Variants in FSBP observed in about 807,000 individuals in gnomAD.
FSBP encodes the protein fibrinogen silencer binding protein, also known as fibrinogen silencer-binding protein.
FSBP carries 18 observed loss-of-function variants against 24.6 expected under a neutral mutation model. That is an observed-to-expected ratio of 0.73 (90% CI 0.51 to 1.08). The LOEUF (loss-of-function observed/expected upper bound fraction) is 1.08. FSBP is among the 50% of genes least tolerant of loss of function. FSBP has a pLI of 0.00. For synonymous variants in FSBP, 110 were observed against 125.8 expected (o/e 0.87, Z 0.84); for missense variants, 305 against 347.6 (o/e 0.88, Z 0.98).
Position 94,432,328 on chromosome 8 carries a change from T to C in FSBP, c.703A>G (p.Ile235Val). ...FRSLLGYDPQ[I>V]LQMLKEEHQI... ...TGCTCCTCTTTCAACATTTGCAGGATCTGAGGATCATACCCTAATAGTGAC... is the reference window on the plus strand; with the variant it reads ...TGCTCCTCTTTCAACATTTGCAGGACCTGAGGATCATACCCTAATAGTGAC... The change falls in exon 2 of 2, where the codon ATC (isoleucine) becomes GTC (valine). Residue 235 changes from isoleucine (I) to valine (V), a missense_variant. Coordinates refer to ENST00000481490, the MANE Select transcript of FSBP (RefSeq NM_001256141.2). 1 of 1,550,318 alleles carries C rather than the reference T, an allele frequency of 6.5e-7. No individual in the cohort carries two copies. The highest frequency in any genetic ancestry group is 8.7e-7 in the Non-Finnish European group (1 of 1,146,836).
Position 94,431,415 on chromosome 8 carries a change from T to G in FSBP, c.*716A>C. The G allele has an allele frequency of 3.1e-6, 3 of 983,372 alleles. No individual in the cohort carries two copies. The highest frequency in any genetic ancestry group is 2.4e-6 in the Non-Finnish European group (2 of 828,078). The allele number at this position is 983,372 out of a possible 1,614,324, so 60.9% of individuals were successfully genotyped here. A position where few individuals can be genotyped will look rare whatever the true frequency, so the allele number is the denominator to read the frequency against. On this transcript the variant is annotated 3_prime_UTR_variant, in exon 2 of 2. Transcript: ENST00000481490. ...TCCTGATTTCACAACCTAACAATCT[T>G]TAAAGGCAATTTTAATGAAAGAAAT...
In FSBP at chr8:94,430,480, C is replaced by T. The variant is rs758715140; in HGVS notation, c.*1651G>A. The T allele has an allele frequency of 1.2e-5, 12 of 972,520 alleles. No individual in the cohort carries two copies. The highest frequency in any genetic ancestry group is 1.8e-5 in the African/African-American group (1 of 57,014). 60.2% of individuals were successfully genotyped at this position (972,520 alleles called of 1,614,324 possible). On this transcript the variant is annotated 3_prime_UTR_variant, in exon 2 of 2. Coordinates refer to ENST00000481490, the MANE Select transcript of FSBP (RefSeq NM_001256141.2). Reference sequence around the variant, plus strand: ...ATACTCTGTTTCACTGGTTCTCAAACTTTAGCATGCATCAGAATCGCTAAA... The same window carrying T: ...ATACTCTGTTTCACTGGTTCTCAAATTTTAGCATGCATCAGAATCGCTAAA...
chr8:94,429,023 G>A lies in FSBP; in HGVS notation c.*3108C>T. 6 of 983,508 alleles carry A rather than the reference G, an allele frequency of 6.1e-6. No individual in the cohort carries two copies. The highest frequency in any genetic ancestry group is 7.2e-6 in the Non-Finnish European group (6 of 828,260). The allele number at this position is 983,508 out of a possible 1,614,324, so 60.9% of individuals were successfully genotyped here. A position where few individuals can be genotyped will look rare whatever the true frequency, so the allele number is the denominator to read the frequency against. The stretch of plus-strand genomic sequence containing the variant: ...TTATACAAGGGGAGGTAGACAATGA[G>A]GAGAATTATATGCATTTAAACTTTT... On this transcript the variant is annotated 3_prime_UTR_variant, in exon 2 of 2. Transcript: ENST00000481490.
intron 1 of FSBP, among the ~76,000 whole-genome samples, chr8:94,433,690 C>T (rs1812180409): frequency 6.6e-6 from 1 of 151,546 alleles, no homozygotes; most frequent in South Asian, 2.1e-4. Context: ...AGAATATCTG[C>T]TCCTTGAGGT....
Position 94,430,546 on chromosome 8 carries a change from A to T in FSBP, c.*1585T>A. Reference sequence around the variant, plus strand: ...GATTGCTGACACCCCCAGGGTTTCTAATTCACTTGGAAATGGATTTACATT... The same window carrying T: ...GATTGCTGACACCCCCAGGGTTTCTTATTCACTTGGAAATGGATTTACATT... On this transcript the variant is annotated 3_prime_UTR_variant, in exon 2 of 2. Coordinates refer to ENST00000481490, the MANE Select transcript of FSBP (RefSeq NM_001256141.2). The T allele has an allele frequency of 1.3e-6, 1 of 753,494 alleles. No homozygotes were observed. The highest frequency in any genetic ancestry group is 1.6e-6 in the Non-Finnish European group (1 of 618,908). 46.7% of individuals were successfully genotyped at this position (753,494 alleles called of 1,614,324 possible). A position where few individuals can be genotyped will look rare whatever the true frequency, so the allele number is the denominator to read the frequency against.
In FSBP at chr8:94,432,354, C is replaced by T. The variant is rs3136422; in HGVS notation, c.677G>A (p.Arg226Lys). 245 of 1,550,314 alleles carry T rather than the reference C, an allele frequency of 1.6e-4. No homozygotes were observed. In the African/African-American group the frequency reaches 3.1e-3, roughly 20 times the overall value. Reference protein sequence around the residue: ...FFRHESGEHFRSLLGYDPQIL... With the variant: ...FFRHESGEHFKSLLGYDPQIL... ...CTGAGGATCATACCCTAATAGTGACCTAAAGTGTTCACCACTCTCATGCCG... is the reference window on the plus strand; with the variant it reads ...CTGAGGATCATACCCTAATAGTGACTTAAAGTGTTCACCACTCTCATGCCG... Residue 226 changes from arginine to lysine, a missense_variant, in exon 2 of 2, where the codon AGG becomes AAG. By Grantham distance (26) the Arg-to-Lys change is conservative. Transcript: ENST00000481490.
Position 94,428,417 on chromosome 8 carries a change from A to G in FSBP, c.*3714T>C. The G allele has an allele frequency of 1.4e-5, 9 of 633,314 alleles. No homozygotes were observed. Among genetic ancestry groups the G allele is most frequent in the Non-Finnish European group, 1.8e-5 (9 of 508,498 alleles). The allele number at this position is 633,314 out of a possible 1,614,324, so 39.2% of individuals were successfully genotyped here. A position where few individuals can be genotyped will look rare whatever the true frequency, so the allele number is the denominator to read the frequency against. On this transcript the variant is annotated 3_prime_UTR_variant, in exon 2 of 2. Transcript: ENST00000481490. ...GACACCCCCTACCCCATCAAGATCC[A>G]CAGATACTCAAGTCCCTTATATAAA...
At chr8:94,435,851 C>A (rs182848200) in intron 1 of FSBP, among the ~76,000 whole-genome samples, 65 of 152,014 alleles carry the variant, frequency 4.3e-4, no homozygotes, top group South Asian at 8.3e-4. Flanking sequence ...ACAACAACAA[C>A]AAAAAACTTT....
chr8:94,427,756 A>G lies in FSBP; in HGVS notation c.*4375T>C. On this transcript the variant is annotated 3_prime_UTR_variant, in exon 2 of 2. Coordinates refer to ENST00000481490, the MANE Select transcript of FSBP (RefSeq NM_001256141.2). ...TGTATTTAAAAGAACATGTGTTAACAAAGCATTTAACCATCATTATCTACA... is the reference window on the plus strand; with the variant it reads ...TGTATTTAAAAGAACATGTGTTAACGAAGCATTTAACCATCATTATCTACA... The G allele has an allele frequency of 1.0e-6, 1 of 974,058 alleles. No homozygotes were observed. The highest frequency in any genetic ancestry group is 1.2e-6 in the Non-Finnish European group (1 of 819,632). 60.3% of individuals were successfully genotyped at this position (974,058 alleles called of 1,614,324 possible).
rs1470510551 is a variant in FSBP at position 94,436,706 on chromosome 8, C to T, written c.163G>A (p.Ala55Thr). Residue 55 changes from alanine to threonine, a missense_variant, in exon 1 of 2, where the codon GCA (alanine) becomes ACA (threonine). By Grantham distance (58) the Ala-to-Thr change is moderately conservative. Transcript: ENST00000481490. ...CWDIIAVNYN[A>T]IGVDRPPRTA... is the part of the protein sequence containing the mutation. ...CGAGGAGGGCGGTCTACTCCAATTG[C>T]ATTATAGTTAACTGCTATGATATCC... 1 of 1,550,574 alleles carries T rather than the reference C, an allele frequency of 6.4e-7. No homozygotes were observed. The highest frequency in any genetic ancestry group is 2.4e-5 in the East Asian group (1 of 40,928).
At chr8:94,436,434 G>A (rs1192889794) in intron 1 of FSBP, 61 bp downstream of exon 1, 2 of 1,464,906 alleles carry the variant, frequency 1.4e-6, no homozygotes, top group Non-Finnish European at 1.8e-6. Flanking sequence ...TCACGACTAA[G>A]CCAAAGCCCA....
Position 94,436,877 on chromosome 8 carries a change from T to A in FSBP, c.-9A>T, listed in dbSNP as rs965169010. On this transcript the variant is annotated 5_prime_UTR_variant, in exon 1 of 2. It removes the in-frame stop codon of an upstream open reading frame in the 5' UTR. Transcript: ENST00000481490. ...CTAGCCTTTCCTACCATTGTTCTTTTCAAATTAAGTAGGCAGTTTCTGAAA... is the reference window on the plus strand; with the variant it reads ...CTAGCCTTTCCTACCATTGTTCTTTACAAATTAAGTAGGCAGTTTCTGAAA... The A allele has an allele frequency of 2.0e-6, 3 of 1,500,804 alleles. No homozygotes were observed. The highest frequency in any genetic ancestry group is 1.9e-4 in the Middle Eastern group (1 of 5,384). 93.0% of individuals were successfully genotyped at this position (1,500,804 alleles called of 1,614,324 possible). A position where few individuals can be genotyped will look rare whatever the true frequency, so the allele number is the denominator to read the frequency against.
At chr8:94,435,067 A>C (rs1238686949) in intron 1 of FSBP, among the ~76,000 whole-genome samples, 1 of 151,998 alleles carries the variant, frequency 6.6e-6, no homozygotes, top group Non-Finnish European at 1.5e-5. Context: ...CCTACTAACC[A>C]AAGGGTACAG....
At chr8:94,436,152 GA>G (rs943875639) in intron 1 of FSBP, among the ~76,000 whole-genome samples, 1 of 151,690 alleles carries the variant, frequency 6.6e-6, no homozygotes, top group African/African-American at 2.4e-5. Context: ...TCTTAAATGA[GA>G]AAAAAAGTAT....
intron 1 of FSBP, among the ~76,000 whole-genome samples, 198 bp downstream of exon 1, chr8:94,436,297 C>T (rs1346776016): frequency 6.6e-6 from 1 of 152,114 alleles, no homozygotes; most frequent in Non-Finnish European, 1.5e-5. Context: ...GAGGGGAAGA[C>T]AGTAAAAAGT....
rs1812120577 is a variant in FSBP, at chr8:94,432,308, C to T, written c.723G>A (p.Glu241=). 6.5e-7 allele frequency: 1 copy of T among 1,550,148 alleles called. No homozygotes were observed. Among genetic ancestry groups the T allele is most frequent in the Admixed American group, 2.0e-5 (1 of 50,956 alleles). ...GATTTTCTAAAATTATCTGATGCTC[C>T]TCTTTCAACATTTGCAGGATCTGAG... ...YDPQILQMLK[E]EHQIILENQK... The change falls in exon 2 of 2, where the codon GAG becomes GAA. Residue 241 remains glutamate (E), a synonymous_variant. Transcript: ENST00000481490.
At position 94,430,938 on chromosome 8, in the gene FSBP, C is replaced by T. The variant is rs1453357406; in HGVS notation, c.*1193G>A. On this transcript the variant is annotated 3_prime_UTR_variant, in exon 2 of 2. Coordinates refer to ENST00000481490, the MANE Select transcript of FSBP (RefSeq NM_001256141.2). ...TTAGCACTGCATTTGTGCTTATATACTCAATCCACTTTTTCCCATTCTTTT... is the reference window on the plus strand; with the variant it reads ...TTAGCACTGCATTTGTGCTTATATATTCAATCCACTTTTTCCCATTCTTTT... The T allele has an allele frequency of 8.1e-6, 8 of 985,172 alleles. No individual in the cohort carries two copies. The highest frequency in any genetic ancestry group is 9.6e-6 in the Non-Finnish European group (8 of 829,906). 61.0% of individuals were successfully genotyped at this position (985,172 alleles called of 1,614,324 possible).
chr8:94,436,504 T>C lies in FSBP; in HGVS notation c.365A>G (p.His122Arg), dbSNP rs942047123. The change falls in exon 1 of 2, where the codon CAC becomes CGC. Residue 122 changes from histidine to arginine, a missense_variant. By Grantham distance (29) the His-to-Arg change is conservative (BLOSUM62 0). Coordinates refer to ENST00000481490, the MANE Select transcript of FSBP (RefSeq NM_001256141.2). ...ACAAAATAAAGCTTACCTTTGTATGTGGTTCCTGTCTCTTACCAGGCAAAA... is the reference window on the plus strand; with the variant it reads ...ACAAAATAAAGCTTACCTTTGTATGCGGTTCCTGTCTCTTACCAGGCAAAA... Reference protein sequence around the residue: ...SSFCLVRDRNHIQSANLDEEA... With the variant: ...SSFCLVRDRNRIQSANLDEEA... The C allele has an allele frequency of 1.4e-5, 21 of 1,545,244 alleles. No homozygotes were observed. Among genetic ancestry groups the C allele is most frequent in the Middle Eastern group, 1.7e-4 (1 of 5,974 alleles).
rs1163493894 is a variant in FSBP, at chr8:94,430,188, G to A, written c.*1943C>T. On this transcript the variant is annotated 3_prime_UTR_variant, in exon 2 of 2. Coordinates refer to ENST00000481490, the MANE Select transcript of FSBP (RefSeq NM_001256141.2). Reference sequence around the variant, plus strand: ...ATTAGCCAGGCATGGTGGTGCGCCTGTAGTCCCAGCTACTTGGGAAGCTGA... The same window carrying A: ...ATTAGCCAGGCATGGTGGTGCGCCTATAGTCCCAGCTACTTGGGAAGCTGA... The A allele has an allele frequency of 1.2e-5, 7 of 606,278 alleles. No homozygotes were observed. Among genetic ancestry groups the A allele is most frequent in the Middle Eastern group, 8.4e-4 (1 of 1,194 alleles). The allele number at this position is 606,278 out of a possible 1,614,324, so 37.6% of individuals were successfully genotyped here.
Sources: allele counts gnomAD v4.1 joint callset (sites outside exome capture counted in the v4.1 genomes callset), GRCh38; gene constraint gnomAD v4.1.1; transcripts MANE v1.5; gene names NCBI Gene and HGNC (gene_info 2026-07-23, HGNC 2026-07-21).